Variants in CAMSAP1 observed in about 807,000 individuals in gnomAD.
CAMSAP1 encodes calmodulin regulated spectrin associated protein 1.
CAMSAP1 carries 58 observed loss-of-function variants against 143.5 expected under a neutral mutation model. The observed-to-expected ratio is 0.40, with a 90% CI of 0.33 to 0.50. The LOEUF (loss-of-function observed/expected upper bound fraction) is 0.50. Among genes scored for constraint, CAMSAP1 ranks in the 20% least tolerant of loss-of-function variants. CAMSAP1 has a pLI of 0.45. For synonymous variants in CAMSAP1, 945 were observed against 859.3 expected (o/e 1.10, Z -1.74); for missense variants, 1,969 against 2,115.7 (o/e 0.93, Z 1.36).
chr9:135,900,704 A>T (rs1012402840), intron 1 of CAMSAP1, among the ~76,000 whole-genome samples: 1 of 151,990 alleles, frequency 6.6e-6, no homozygotes. Flanking sequence ...CAAAAAAAAG[A>T]AAGAGAGGAC....
chr9:135,891,781 A>G (rs996096410), intron 1 of CAMSAP1, among the ~76,000 whole-genome samples: 1 of 152,258 alleles, frequency 6.6e-6, no homozygotes, highest in African/African-American at 2.4e-5. Flanking sequence ...TAAAACAGCT[A>G]TTATAAGTTC....
chr9:135,823,195 G>A lies in CAMSAP1; in HGVS notation c.1466C>T (p.Ser489Phe). The change falls in exon 11 of 17, where the codon TCT (serine) becomes TTT (phenylalanine). Residue 489 changes from serine (S) to phenylalanine (F), a missense_variant. Coordinates refer to ENST00000389532, the MANE Select transcript of CAMSAP1 (RefSeq NM_015447.4). ...HAASCEVDPSSGDSISLARSI... is the reference protein window; with the variant it reads ...HAASCEVDPSFGDSISLARSI... Reference sequence around the variant, plus strand: ...GCGGGCCAAGCTGATGCTGTCGCCAGAGCTGGGATCCACTTCACAACTCGC... The same window carrying A: ...GCGGGCCAAGCTGATGCTGTCGCCAAAGCTGGGATCCACTTCACAACTCGC... 1 of 1,591,778 alleles carries A rather than the reference G, an allele frequency of 6.3e-7. No individual in the cohort carries two copies. The highest frequency in any genetic ancestry group is 8.6e-7 in the Non-Finnish European group (1 of 1,167,142).
Position 135,824,756 on chromosome 9 carries a change from A to G in CAMSAP1, c.1315+33T>C. 1 of 1,388,146 alleles carries G rather than the reference A, an allele frequency of 7.2e-7. No individual in the cohort carries two copies. Among genetic ancestry groups the G allele is most frequent in the South Asian group, 1.3e-5 (1 of 74,550 alleles). The allele number at this position is 1,388,146 out of a possible 1,614,324, so 86.0% of individuals were successfully genotyped here. ...TTTTACTAATCTATAGTAAGGAGAA[A>G]TTAAGGAAAAAAGGAGGAAACAACA... On this transcript the variant is annotated intron_variant, in intron 9 of 16. Transcript: ENST00000389532. The surrounding 1 kb of genome is among the most constrained non-coding windows in gnomAD (Gnocchi z 4.1).
chr9:135,878,778 G>A (rs78421045), intron 3 of CAMSAP1, among the ~76,000 whole-genome samples: 80 of 152,260 alleles, frequency 5.3e-4, no homozygotes, highest in African/African-American at 1.8e-3. Flanking sequence ...GCATTCAGCC[G>A]GTATCGCATC....
intron 1 of CAMSAP1, among the ~76,000 whole-genome samples, chr9:135,906,031 C>G (rs374830956): frequency 4.9e-4 from 74 of 152,344 alleles, no homozygotes; most frequent in Admixed American, 2.2e-3. Flanking sequence ...TTACACAGTA[C>G]AAAAACCAGT....
chr9:135,814,388 C>T lies in CAMSAP1; in HGVS notation c.4506+709G>A, dbSNP rs139141542. Among the ~76,000 whole-genome samples the T allele has an allele frequency of 2.0e-3, 301 of 152,266 alleles. 1 individual carries two copies. The highest frequency in any genetic ancestry group is 1.0e-3 in the African/African-American group (42 of 41,554). On this transcript the variant is annotated intron_variant, in intron 16 of 16. Transcript: ENST00000389532. ...AATTTTCATTCACTCATTCACAAGC[C>T]GTTGTATCCCAAGGCCAGCAACTTA... is the stretch of plus-strand genomic sequence containing the variant.
chr9:135,816,251 C>T (rs867061500), intron 14 of CAMSAP1, among the ~76,000 whole-genome samples: 7 of 152,286 alleles, frequency 4.6e-5, no homozygotes, highest in South Asian at 2.1e-4. Context: ...AGCCCTTCAC[C>T]GAAGGGGTTC....
rs762442501 is a variant in CAMSAP1, at chr9:135,822,569, C to T, written c.2092G>A (p.Asp698Asn). Residue 698 changes from aspartate to asparagine, a missense_variant, in exon 11 of 17, where the codon GAT becomes AAT. This residue lies in a region of CAMSAP1 where 1,390 missense variants were observed against 1,420.8 expected (regional missense o/e 0.98). Coordinates refer to ENST00000389532, the MANE Select transcript of CAMSAP1 (RefSeq NM_015447.4). This position sits in a 1 kb window ranked among gnomAD's most constrained non-coding sequence, Gnocchi z 6.1. ...FDPFPQGPSTDGFFLHVGRAD... is the reference protein window; with the variant it reads ...FDPFPQGPSTNGFFLHVGRAD... ...CTGCCTACATGAAGGAAGAAGCCAT[C>T]CGTGGATGGTCCCTGGGGGAACGGA... 2.4e-5 allele frequency: 39 copies of T among 1,613,638 alleles called. No homozygotes were observed. The highest frequency in any genetic ancestry group is 3.1e-5 in the Non-Finnish European group (36 of 1,179,868).
At position 135,821,188 on chromosome 9, in the gene CAMSAP1, C is replaced by T. The variant is rs534937617; in HGVS notation, c.3473G>A (p.Gly1158Asp). The T allele has an allele frequency of 2.5e-6, 4 of 1,610,054 alleles. No individual in the cohort carries two copies. In the East Asian group the frequency reaches 8.9e-5, roughly 36 times the overall value. ...GAAGAGACACTTCCCATGTGGGTCA[C>T]CACTGGGCTCCAGGGCACTGTCCAG... ...PGLDSALEPS[G>D]DPHGKCLFDS... Residue 1158 changes from glycine (G) to aspartate (D), a missense_variant, in exon 11 of 17, where the codon GGT becomes GAT. Physicochemically the swap from Gly to Asp is moderately conservative, Grantham distance 94. Coordinates refer to ENST00000389532, the MANE Select transcript of CAMSAP1 (RefSeq NM_015447.4). The surrounding 1 kb of genome is among the most constrained non-coding windows in gnomAD (Gnocchi z 4.6).
rs938532695 is a variant in CAMSAP1 at position 135,826,420 on chromosome 9, CA to C, written c.1223+986del. ...AAAGCCGCCCAACACAGAACACATCCAAACCCCTCCCTCAGCTATGCCCCAC... is the reference window on the plus strand; with the variant it reads ...AAAGCCGCCCAACACAGAACACATCCAACCCCTCCCTCAGCTATGCCCCAC... On this transcript the variant is annotated intron_variant, in intron 8 of 16. Coordinates refer to ENST00000389532, the MANE Select transcript of CAMSAP1 (RefSeq NM_015447.4). The surrounding 1 kb of genome is among the most constrained non-coding windows in gnomAD (Gnocchi z 4.4). 2 of 152,358 alleles carry C rather than the reference CA, an allele frequency of 1.3e-5. No individual in the cohort carries two copies. The highest frequency in any genetic ancestry group is 4.8e-5 in the African/African-American group (2 of 41,404). 9.4% of individuals were successfully genotyped at this position (152,358 alleles called of 1,614,324 possible).
chr9:135,906,083 C>T (rs1838768446), intron 1 of CAMSAP1, among the ~76,000 whole-genome samples: 1 of 152,232 alleles, frequency 6.6e-6, no homozygotes, highest in South Asian at 2.1e-4. Context: ...ACTTACAAAA[C>T]GCGTTTGTCC....
At chr9:135,857,750 T>C (rs1289423559) in intron 5 of CAMSAP1, among the ~76,000 whole-genome samples, 1 of 152,158 alleles carries the variant, frequency 6.6e-6, no homozygotes, top group Non-Finnish European at 1.5e-5. Flanking sequence ...CTGTGTTGCA[T>C]GTGGGGCAGG....
At chr9:135,813,560 C>T (rs1835126797) in intron 16 of CAMSAP1, among the ~76,000 whole-genome samples, 1 of 152,202 alleles carries the variant, frequency 6.6e-6, no homozygotes, top group Non-Finnish European at 1.5e-5. Context: ...ATCTTATTTA[C>T]TTATTGCTGC....
At chr9:135,829,533 A>T (rs1835784109) in intron 7 of CAMSAP1, among the ~76,000 whole-genome samples, 1 of 151,884 alleles carries the variant, frequency 6.6e-6, no homozygotes, top group Non-Finnish European at 1.5e-5. Context: ...AAGAAGAAAA[A>T]AAGGTAAAAG....
Position 135,821,628 on chromosome 9 carries a change from A to T in CAMSAP1, c.3033T>A (p.Val1011=). The change falls in exon 11 of 17, where the codon GTT becomes GTA. Residue 1011 remains valine (V), a synonymous_variant. Coordinates refer to ENST00000389532, the MANE Select transcript of CAMSAP1 (RefSeq NM_015447.4). This position sits in a 1 kb window ranked among gnomAD's most constrained non-coding sequence, Gnocchi z 4.6. ...ATTCATTCACGTCGACAACCTCCCC[A>T]ACAGTGTCCTCCAGGAGGGCAGCGG... ...VISAALLEDT[V]GEVVDVNECD... The T allele has an allele frequency of 6.2e-7, 1 of 1,613,950 alleles. No individual in the cohort carries two copies. Among genetic ancestry groups the T allele is most frequent in the Non-Finnish European group, 8.5e-7 (1 of 1,179,880 alleles).
chr9:135,812,460 C>T (rs1020257564), intron 16 of CAMSAP1, among the ~76,000 whole-genome samples: 1 of 152,084 alleles, frequency 6.6e-6, no homozygotes, highest in Non-Finnish European at 1.5e-5. Context: ...CCAGAACAGG[C>T]AAATCCATGG....
intron 7 of CAMSAP1, among the ~76,000 whole-genome samples, chr9:135,838,415 A>C (rs1836202297): frequency 7.2e-6 from 1 of 139,526 alleles, no homozygotes; most frequent in Admixed American, 7.4e-5. Context: ...ATCATCACGC[A>C]CTTTCCACCC....
intron 3 of CAMSAP1, 121 bp from the exon 4 acceptor site, chr9:135,866,657 T>C (rs555695468): frequency 2.1e-5 from 13 of 627,308 alleles, no homozygotes; most frequent in Non-Finnish European, 3.2e-5. Context: ...GACATAGGTA[T>C]TGTTTAGGCC....
chr9:135,815,037 C>G (rs1024211822), intron 16 of CAMSAP1, 60 bp downstream of exon 16: 14 of 1,195,926 alleles, frequency 1.2e-5, no homozygotes, highest in Non-Finnish European at 1.6e-5. Flanking sequence ...TAAAAAGAAC[C>G]CTTAATTTAT....
Sources: gnomAD v4.1 joint callset for allele counts (sites outside exome capture counted in the v4.1 genomes callset) on GRCh38, gnomAD v4.1.1 for gene constraint, gnomAD v4.1.1 regional missense constraint, Gnocchi (gnomAD v3.1) non-coding constraint, MANE v1.5 for transcripts, NCBI Gene and HGNC (gene_info 2026-07-23, HGNC 2026-07-21) for gene names.